The following SGCZ variants were observed in gnomAD, a reference collection of about 807,000 sequenced individuals.
SGCZ encodes the protein zeta-sarcoglycan.
SGCZ carries 40 observed loss-of-function variants against 41.3 expected under a neutral mutation model. That is an observed-to-expected ratio of 0.97 (90% CI 0.75 to 1.26). The LOEUF (loss-of-function observed/expected upper bound fraction) is 1.26. Among genes scored for constraint, SGCZ ranks in the 50% most tolerant of loss-of-function variants. The pLI is 0.00. For synonymous variants in SGCZ, 206 were observed against 137.5 expected (o/e 1.50, Z -3.49); for missense variants, 552 against 369.8 (o/e 1.49, Z -4.04).
In SGCZ at chr8:15,237,901, A is replaced by G. The variant is rs183318069; in HGVS notation, c.-278T>C. The G allele has an allele frequency of 1.2e-3, 428 of 371,760 alleles. 2 individuals are homozygous for G. The highest frequency in any genetic ancestry group is 7.5e-3 in the African/African-American group (364 of 48,416). 23.0% of individuals were successfully genotyped at this position (371,760 alleles called of 1,614,324 possible). The stretch of plus-strand genomic sequence containing the variant: ...AGCTGAGTCGATTGAAACAGGGGCC[A>G]AAAGAAAAAAGGAAAAAAAAATCCA... On this transcript the variant is annotated 5_prime_UTR_variant, in exon 1 of 8. Coordinates refer to ENST00000382080, the MANE Select transcript of SGCZ (RefSeq NM_139167.4).
intron 2 of SGCZ, among the ~76,000 whole-genome samples, chr8:14,485,815 T>C (rs185521998): frequency 6.6e-6 from 1 of 150,966 alleles, no homozygotes; most frequent in African/African-American, 2.4e-5. Context: ...TTAACTACTT[T>C]ATATTTTCTC....
At chr8:14,960,102 T>A (rs1289721052) in intron 1 of SGCZ, among the ~76,000 whole-genome samples, 1 of 152,156 alleles carries the variant, frequency 6.6e-6, no homozygotes, top group African/African-American at 2.4e-5. Context: ...ATTTGGAAAA[T>A]GAAAACATAA....
chr8:14,354,346 T>A (rs1803213276), intron 2 of SGCZ, among the ~76,000 whole-genome samples: 1 of 151,790 alleles, frequency 6.6e-6, no homozygotes. Context: ...ATAAACTGTA[T>A]AAAACAAGAA....
At chr8:14,149,406 A>G (rs73213555) in intron 5 of SGCZ, among the ~76,000 whole-genome samples, 38,849 of 151,886 alleles carry the variant, frequency 0.26, 5,308 homozygotes, top group African/African-American at 0.34. Flanking sequence ...AAAAAGAAAT[A>G]AAATTCATCC....
At chr8:14,828,950 A>C (rs1802432912) in intron 1 of SGCZ, among the ~76,000 whole-genome samples, 1 of 144,344 alleles carries the variant, frequency 6.9e-6, no homozygotes. Context: ...GCTCCTTTGG[A>C]GTCCTTTTTT....
intron 1 of SGCZ, among the ~76,000 whole-genome samples, chr8:14,926,858 C>G (rs191571112): frequency 2.2e-4 from 33 of 152,102 alleles, no homozygotes; most frequent in African/African-American, 7.5e-4. Context: ...CCAGGAAGGT[C>G]GTGATCTCCT....
intron 2 of SGCZ, among the ~76,000 whole-genome samples, chr8:14,498,903 G>C (rs1364576014): frequency 6.6e-6 from 1 of 151,464 alleles, no homozygotes; most frequent in Non-Finnish European, 1.5e-5. Context: ...CGATGTCTTA[G>C]TCATTTTTTT....
chr8:14,540,129 A>G (rs566388192), intron 2 of SGCZ, among the ~76,000 whole-genome samples: 1 of 151,434 alleles, frequency 6.6e-6, no homozygotes, highest in Admixed American at 6.6e-5. Context: ...TTGTGTATGT[A>G]TACTATGACT....
intron 3 of SGCZ, among the ~76,000 whole-genome samples, chr8:14,241,113 G>C (rs373892648): frequency 6.6e-6 from 1 of 151,924 alleles, no homozygotes; most frequent in Non-Finnish European, 1.5e-5. Context: ...TTCTCCAAAG[G>C]TCTCTGTATG....
At chr8:14,560,096 T>C (rs1231106619) in intron 1 of SGCZ, among the ~76,000 whole-genome samples, 2 of 152,000 alleles carry the variant, frequency 1.3e-5, no homozygotes, top group African/African-American at 4.8e-5. Flanking sequence ...GGTTAAGGTG[T>C]ACAAAATACA....
At chr8:14,245,812 A>C (rs1175408644) in intron 3 of SGCZ, among the ~76,000 whole-genome samples, 1 of 152,212 alleles carries the variant, frequency 6.6e-6, no homozygotes, top group Non-Finnish European at 1.5e-5. Flanking sequence ...TTCTCAAAAG[A>C]AGACATTTAT....
intron 3 of SGCZ, among the ~76,000 whole-genome samples, chr8:14,256,505 T>C (rs1042211890): frequency 2.7e-5 from 4 of 149,056 alleles, no homozygotes; most frequent in African/African-American, 4.9e-5. Flanking sequence ...ATCCCTCATA[T>C]ACATATATGA....
At chr8:14,387,649 G>A (rs1399143153) in intron 2 of SGCZ, among the ~76,000 whole-genome samples, 1 of 151,804 alleles carries the variant, frequency 6.6e-6, no homozygotes, top group East Asian at 1.9e-4. Flanking sequence ...TTTTTGGATG[G>A]CACTTTAAAA....
intron 1 of SGCZ, among the ~76,000 whole-genome samples, chr8:14,822,457 T>C (rs1376680432): frequency 6.6e-6 from 1 of 152,054 alleles, no homozygotes. Context: ...AAAATACAAC[T>C]GACATTATTC....
chr8:14,954,158 T>G (rs1800726545), intron 1 of SGCZ, among the ~76,000 whole-genome samples: 1 of 152,218 alleles, frequency 6.6e-6, no homozygotes, highest in African/African-American at 2.4e-5. Flanking sequence ...AAGTACAGCT[T>G]TACTGTGCAT....
chr8:14,262,747 G>A (rs1002494518), intron 3 of SGCZ, among the ~76,000 whole-genome samples: 3 of 149,418 alleles, frequency 2.0e-5, no homozygotes, highest in African/African-American at 4.9e-5. Flanking sequence ...CGTGATATAT[G>A]AGCATAAAAC....
At chr8:14,230,227 G>A (rs10216716) in intron 4 of SGCZ, among the ~76,000 whole-genome samples, 54,452 of 151,776 alleles carry the variant, frequency 0.36, 10,195 homozygotes, top group Non-Finnish European at 0.42. Context: ...GAAAAGAGTC[G>A]TGGAGACAAT....
intron 2 of SGCZ, among the ~76,000 whole-genome samples, chr8:14,390,490 CAG>C (rs1429121270): frequency 2.0e-5 from 3 of 151,664 alleles, no homozygotes; most frequent in South Asian, 2.1e-4. Context: ...CTTTTAAACA[CAG>C]AGGATAAATT....
chr8:14,519,067 T>TA (rs58653228), intron 2 of SGCZ, among the ~76,000 whole-genome samples: 6,509 of 113,526 alleles, frequency 0.057, 402 homozygotes, highest in African/African-American at 0.14. Flanking sequence ...AGACTCTGTC[T>TA]AAAAAAAAAA....
Sources: allele counts gnomAD v4.1 joint callset (sites outside exome capture counted in the v4.1 genomes callset), GRCh38; gene constraint gnomAD v4.1.1; transcripts MANE v1.5; gene names NCBI Gene and HGNC (gene_info 2026-07-23, HGNC 2026-07-21).